Variants in DPP10 observed in about 807,000 individuals in gnomAD.
DPP10 encodes the protein dipeptidyl peptidase like 10, also known as inactive dipeptidyl peptidase 10.
DPP10 carries 33 observed loss-of-function variants against 120.9 expected under a neutral mutation model. That is an observed-to-expected ratio of 0.27 (90% CI 0.21 to 0.37). The LOEUF (loss-of-function observed/expected upper bound fraction) is 0.37, where lower values mean the gene tolerates loss of function less well. Among genes scored for constraint, DPP10 ranks in the 10% least tolerant of loss-of-function variants. The pLI, the probability that DPP10 is intolerant of heterozygous loss-of-function variation, is 1.00. For missense variants in DPP10, 816 were observed against 942.8 expected (o/e 0.87, Z 1.76); for synonymous variants, 337 against 326.1 (o/e 1.03, Z -0.36).
intron 1 of DPP10, among the ~76,000 whole-genome samples, chr2:115,242,922 A>G: frequency 6.6e-6 from 1 of 152,152 alleles, no homozygotes; most frequent in East Asian, 1.9e-4. Context: ...ATTTAATGGA[A>G]AAATTTATAT....
intron 2 of DPP10, among the ~76,000 whole-genome samples, chr2:115,327,384 A>T (rs2062431474): frequency 6.6e-6 from 1 of 152,052 alleles, no homozygotes; most frequent in South Asian, 2.1e-4. Flanking sequence ...TTCACTAATG[A>T]TTTCACTAGG....
At chr2:114,893,454 T>C (rs1692704694) in intron 1 of DPP10, among the ~76,000 whole-genome samples, 1 of 152,010 alleles carries the variant, frequency 6.6e-6, no homozygotes, top group South Asian at 2.1e-4. Flanking sequence ...CAGGCAGCTT[T>C]TGAATATTGG....
chr2:115,508,147 T>C (rs988007345), intron 4 of DPP10, among the ~76,000 whole-genome samples: 2 of 152,184 alleles, frequency 1.3e-5, no homozygotes, highest in African/African-American at 4.8e-5. Context: ...AGAGGAATTT[T>C]TAGAAGCCTG....
chr2:115,334,230 G>GTTTTTTTTTTCTTTTTTTTTTTTTTTTT (rs2062970638), intron 2 of DPP10, among the ~76,000 whole-genome samples: 1 of 56,412 alleles, frequency 1.8e-5, no homozygotes, highest in Non-Finnish European at 4.0e-5. Context: ...AGCAGACTCT[G>GTTTTTTTTTTCTTTTTTTTTTTTTTTTT]TTTTTTTTTT....
intron 1 of DPP10, among the ~76,000 whole-genome samples, chr2:115,099,138 A>G (rs1172100336): frequency 1.3e-5 from 2 of 151,418 alleles, no homozygotes; most frequent in Non-Finnish European, 2.9e-5. Context: ...TACAAAAAAA[A>G]AAAAAAAAGA....
intron 7 of DPP10, among the ~76,000 whole-genome samples, chr2:115,694,962 G>T (rs1486065706): frequency 6.6e-6 from 1 of 152,146 alleles, no homozygotes; most frequent in Non-Finnish European, 1.5e-5. Flanking sequence ...TTCTCATTAT[G>T]AAATTGCAGA....
At chr2:115,510,902 T>C (rs1442075798) in intron 4 of DPP10, among the ~76,000 whole-genome samples, 1 of 152,172 alleles carries the variant, frequency 6.6e-6, no homozygotes, top group Non-Finnish European at 1.5e-5. Flanking sequence ...GTGGCCATTA[T>C]AAATAGAATT....
At chr2:114,460,270 G>A (rs1359953798) in intron 1 of DPP10, among the ~76,000 whole-genome samples, 2 of 151,796 alleles carry the variant, frequency 1.3e-5, no homozygotes, top group African/African-American at 4.8e-5. Flanking sequence ...TTCTAAAAAA[G>A]TATTTTTGGA....
At chr2:115,716,253 T>C (rs74753675) in intron 7 of DPP10, among the ~76,000 whole-genome samples, 3,005 of 152,302 alleles carry the variant, frequency 0.02, 88 homozygotes, top group African/African-American at 0.067. Flanking sequence ...GAATAATTTA[T>C]TGCAAACAAC....
chr2:115,687,719 A>G lies in DPP10; in HGVS notation c.442-1968A>G, dbSNP rs538499914. 5.9e-5 allele frequency among the ~76,000 whole-genome samples: 9 copies of G among 152,234 alleles called. 1 individual carries two copies. Among genetic ancestry groups the G allele is most frequent in the Admixed American group, 3.9e-4 (6 of 15,260 alleles). ...TTCTCCAATCACACCATTTGAAGACATATAAGTCCTCTGGATTTACAATTA... is the reference window on the plus strand; with the variant it reads ...TTCTCCAATCACACCATTTGAAGACGTATAAGTCCTCTGGATTTACAATTA... On this transcript the variant is annotated intron_variant, in intron 5 of 25. Transcript: ENST00000410059.
intron 1 of DPP10, among the ~76,000 whole-genome samples, chr2:115,221,508 A>T (rs1459995195): frequency 6.6e-6 from 1 of 152,126 alleles, no homozygotes; most frequent in Non-Finnish European, 1.5e-5. Context: ...ATAAAAGGGG[A>T]TGTGACAGTA....
chr2:115,100,079 TA>T (rs2048603871), intron 1 of DPP10, among the ~76,000 whole-genome samples: 2 of 152,162 alleles, frequency 1.3e-5, no homozygotes, highest in Admixed American at 1.3e-4. Context: ...GAAAAATATT[TA>T]ATACAATGAA....
intron 1 of DPP10, among the ~76,000 whole-genome samples, chr2:114,751,309 C>T (rs1374868121): frequency 6.6e-6 from 1 of 152,182 alleles, no homozygotes; most frequent in Non-Finnish European, 1.5e-5. Flanking sequence ...AGTGCTTTTG[C>T]TAGTTACAAA....
At chr2:115,529,084 G>C in intron 5 of DPP10, among the ~76,000 whole-genome samples, 1 of 152,050 alleles carries the variant, frequency 6.6e-6, no homozygotes, top group Non-Finnish European at 1.5e-5. Context: ...ATAATGGCAT[G>C]TAAAAATAAT....
intron 5 of DPP10, among the ~76,000 whole-genome samples, chr2:115,586,557 T>G (rs2082302247): frequency 6.6e-6 from 1 of 152,216 alleles, no homozygotes; most frequent in South Asian, 2.1e-4. Flanking sequence ...CTGTATTTCA[T>G]TCCCAACAGT....
rs548095176 is a variant in DPP10, at chr2:115,469,437, T to G, written c.272-30073T>G. On this transcript the variant is annotated intron_variant, in intron 3 of 25. Coordinates refer to ENST00000410059, the MANE Select transcript of DPP10 (RefSeq NM_020868.6). ...CATTTTCTACTTTGTGATTTTAGCC[T>G]ATAATCAGTTTTAAAGTTCTGATAT... Among the ~76,000 whole-genome samples the G allele has an allele frequency of 1.9e-3, 284 of 152,350 alleles. 1 individual carries two copies. The highest frequency in any genetic ancestry group is 1.9e-3 in the Non-Finnish European group (127 of 68,022).
intron 3 of DPP10, among the ~76,000 whole-genome samples, chr2:115,418,584 A>T (rs917843386): frequency 2.0e-5 from 3 of 151,928 alleles, no homozygotes; most frequent in African/African-American, 7.3e-5. Flanking sequence ...CAGTCTAGGC[A>T]ACACAGCAAG....
At chr2:114,912,256 G>C (rs1694423510) in intron 1 of DPP10, among the ~76,000 whole-genome samples, 1 of 152,082 alleles carries the variant, frequency 6.6e-6, no homozygotes. Flanking sequence ...TCTCAGGGGA[G>C]GAGTGAGGAC....
intron 4 of DPP10, among the ~76,000 whole-genome samples, chr2:115,502,949 T>C (rs1165164661): frequency 1.3e-5 from 2 of 151,978 alleles, no homozygotes; most frequent in African/African-American, 4.8e-5. Flanking sequence ...GTGATCCTCC[T>C]CTGGTGGCCT....
Sources: gnomAD v4.1 joint callset for allele counts (sites outside exome capture counted in the v4.1 genomes callset) on GRCh38, gnomAD v4.1.1 for gene constraint, MANE v1.5 for transcripts, NCBI Gene and HGNC (gene_info 2026-07-23, HGNC 2026-07-21) for gene names.